Variants in PROCR observed in about 807,000 individuals in gnomAD.
PROCR encodes protein C receptor, also known as endothelial protein C receptor.
In PROCR, 22 loss-of-function variants were observed where a neutral mutation model predicts 24.2. The ratio of observed to expected loss-of-function variants is 0.91; its 90% confidence interval spans 0.65 to 1.30. The LOEUF (loss-of-function observed/expected upper bound fraction) is 1.30, where lower values mean the gene tolerates loss of function less well. Ranked by LOEUF, PROCR falls within the 50% of genes most tolerant of loss-of-function variation. PROCR has a pLI of 0.00. For missense variants in PROCR, 288 were observed against 307.7 expected (o/e 0.94, Z 0.48); for synonymous variants, 137 against 139.2 (o/e 0.98, Z 0.11).
At chr20:35,174,470 T>C in intron 1 of PROCR, 1 of 591,446 alleles carries the variant, frequency 1.7e-6, no homozygotes, top group East Asian at 2.9e-5. Flanking sequence ...GGAGTGTCTC[T>C]TCCACTGCAG....
At chr20:35,199,674 C>G (rs6142319) in intron 1 of PROCR, among the ~76,000 whole-genome samples, 120,767 of 151,222 alleles carry the variant, frequency 0.8, 48,709 homozygotes, top group African/African-American at 0.91. Context: ...CTTGAACCTG[C>G]GAGTCAGAGG....
At chr20:35,189,516 C>T (rs759522726) in intron 1 of PROCR, among the ~76,000 whole-genome samples, 2 of 152,142 alleles carry the variant, frequency 1.3e-5, no homozygotes, top group African/African-American at 2.4e-5. Flanking sequence ...TGTGATCTCG[C>T]CCTGACCTTC....
chr20:35,186,824 G>A (rs1394629749), intron 1 of PROCR, among the ~76,000 whole-genome samples: 2 of 151,230 alleles, frequency 1.3e-5, no homozygotes, highest in African/African-American at 2.4e-5. Flanking sequence ...ATGGTGGCAC[G>A]TGCCTATAAT....
Position 35,202,536 on chromosome 20 carries a change from A to T in PROCR, c.95-13357A>T, listed in dbSNP as rs539661370. 3.3e-5 allele frequency: 5 copies of T among 152,044 alleles called. No individual in the cohort carries two copies. The South Asian group carries it at 1.0e-3, about 32-fold the overall frequency. The allele number at this position is 152,044 out of a possible 1,614,324, so 9.4% of individuals were successfully genotyped here. A position where few individuals can be genotyped will look rare whatever the true frequency, so the allele number is the denominator to read the frequency against. On this transcript the variant is annotated intron_variant, in intron 1 of 1. Transcript: ENST00000634509. ...ACTATATGCTATCAGCAAGAAAGCT[A>T]TTTTATTTTATTTTTACTTCTCAAA...
At chr20:35,171,516 T>G (rs891608413), upstream of PROCR, among the ~76,000 whole-genome samples, 5 of 152,220 alleles carry the variant, frequency 3.3e-5, no homozygotes, top group Non-Finnish European at 5.9e-5. Context: ...TTCTCTCCTA[T>G]TTTTTAAAAA....
At chr20:35,172,841 C>T (rs927104936) in intron 1 of PROCR, among the ~76,000 whole-genome samples, 4 of 152,154 alleles carry the variant, frequency 2.6e-5, no homozygotes, top group Non-Finnish European at 5.9e-5. Context: ...CCTTTCCCCT[C>T]TCTCACAATC....
At chr20:35,203,822 C>A (rs957178683) in intron 1 of PROCR, among the ~76,000 whole-genome samples, 2 of 151,780 alleles carry the variant, frequency 1.3e-5, no homozygotes, top group Non-Finnish European at 2.9e-5. Context: ...GCTTTACATG[C>A]CTATGATAGA....
In PROCR at chr20:35,208,846, C is replaced by T. The variant is rs543336472; in HGVS notation, c.95-7047C>T. On this transcript the variant is annotated intron_variant, in intron 1 of 1. Transcript: ENST00000634509. ...AATTAGCCGGGCATGGTGGCACGCA[C>T]CTGTAATACCAGCTACTCGGGAGGC... 2.6e-5 allele frequency among the ~76,000 whole-genome samples: 4 copies of T among 152,170 alleles called. No homozygotes were observed. The Middle Eastern group carries it at 0.014, about 518-fold the overall frequency.
At chr20:35,190,697 T>C (rs1042811808) in intron 1 of PROCR, among the ~76,000 whole-genome samples, 1 of 152,360 alleles carries the variant, frequency 6.6e-6, no homozygotes, top group Middle Eastern at 3.4e-3. Flanking sequence ...GTTAGTTTAA[T>C]GTAACTTTCT....
downstream of PROCR, among the ~76,000 whole-genome samples, chr20:35,178,201 C>T (rs905221593): frequency 6.6e-6 from 1 of 151,470 alleles, no homozygotes; most frequent in Non-Finnish European, 1.5e-5. Flanking sequence ...GTCAGGAGTT[C>T]AAGACAAGCC....
In PROCR at chr20:35,207,415, C is replaced by T. The variant is rs200264526; in HGVS notation, c.95-8478C>T. On this transcript the variant is annotated intron_variant, in intron 1 of 1. Transcript: ENST00000634509. The stretch of plus-strand genomic sequence containing the variant: ...GTGTATATATATATATATATATATA[C>T]ACATATGAATATTTTTAAAAGCTTT... Among the ~76,000 whole-genome samples, 4 of 137,808 alleles carry T rather than the reference C, an allele frequency of 2.9e-5. No homozygotes were observed. In the East Asian group the frequency reaches 6.4e-4, roughly 22 times the overall value. 90.4% of individuals were successfully genotyped at this position (137,808 alleles called of 152,430 possible).
downstream of PROCR, among the ~76,000 whole-genome samples, chr20:35,179,384 A>G (rs1469926943): frequency 6.6e-6 from 1 of 151,986 alleles, no homozygotes; most frequent in Non-Finnish European, 1.5e-5. Flanking sequence ...TCTACAAAAA[A>G]AAATAGAAAA....
chr20:35,172,597 A>G (rs1279363717), intron 1 of PROCR, among the ~76,000 whole-genome samples: 5 of 151,906 alleles, frequency 3.3e-5, no homozygotes, highest in African/African-American at 1.2e-4. Flanking sequence ...AGAGAAGAGA[A>G]ATGGAGGGAA....
intron 1 of PROCR, among the ~76,000 whole-genome samples, chr20:35,205,770 T>C (rs199911992): frequency 1.3e-4 from 6 of 47,730 alleles, no homozygotes; most frequent in African/African-American, 2.7e-4. Flanking sequence ...TATATATATA[T>C]ATATATATAT....
chr20:35,179,323 C>T (rs1427599480), downstream of PROCR, among the ~76,000 whole-genome samples: 5 of 150,954 alleles, frequency 3.3e-5, no homozygotes, highest in Non-Finnish European at 7.4e-5. Context: ...AGGAGGATTG[C>T]TTGAGCTCAG....
At chr20:35,187,223 TTTTG>T (rs35650525) in intron 1 of PROCR, among the ~76,000 whole-genome samples, 9 of 150,484 alleles carry the variant, frequency 6.0e-5, no homozygotes, top group African/African-American at 1.2e-4. Flanking sequence ...CCTAAATTTG[TTTTG>T]TTTGTTTGTT....
At chr20:35,175,013 G>A (rs1384920417) in intron 2 of PROCR, 60 bp downstream of exon 2, 39 of 1,252,684 alleles carry the variant, frequency 3.1e-5, no homozygotes, top group African/African-American at 6.3e-5. Flanking sequence ...GGGGCCTGGC[G>A]GGTGGGGGCG....
chr20:35,205,777 A>ATATATATATATATATATG (rs2060337830), intron 1 of PROCR, among the ~76,000 whole-genome samples: 1 of 137,744 alleles, frequency 7.3e-6, no homozygotes, highest in East Asian at 2.0e-4. Context: ...ATATATATAT[A>ATATATATATATATATATG]TATATATATA....
intron 1 of PROCR, among the ~76,000 whole-genome samples, chr20:35,209,905 T>G (rs2060355554): frequency 6.6e-6 from 1 of 152,200 alleles, no homozygotes; most frequent in Admixed American, 6.5e-5. Context: ...CATAGTCTTT[T>G]GCTCACATAC....
Sources: gnomAD v4.1 joint callset for allele counts (sites outside exome capture counted in the v4.1 genomes callset) on GRCh38, gnomAD v4.1.1 for gene constraint, MANE v1.5 for transcripts, NCBI Gene and HGNC (gene_info 2026-07-23, HGNC 2026-07-21) for gene names.